MITF: variants seen among roughly 807,000 people sequenced by gnomAD.
The protein encoded by MITF is melanocyte inducing transcription factor.
MITF carries 17 observed loss-of-function variants against 60.5 expected under a neutral mutation model. The ratio of observed to expected loss-of-function variants is 0.28; its 90% CI spans 0.19 to 0.42. MITF has a LOEUF of 0.42. Ranked by LOEUF, MITF falls within the 10% of genes least tolerant of loss-of-function variation. The pLI is 1.00. For missense variants in MITF, 622 were observed against 683.5 expected, an observed-to-expected ratio of 0.91 and a Z score of 1.00; for synonymous variants, 260 against 248.5, an observed-to-expected ratio of 1.05 and a Z score of -0.43.
chr3:69,922,422 A>G (rs373495217), intron 2 of MITF, among the ~76,000 whole-genome samples: 1 of 152,070 alleles, frequency 6.6e-6, no homozygotes, highest in Non-Finnish European at 1.5e-5. Flanking sequence ...GGGTTTCACC[A>G]TGTTGGCCAG....
intron 1 of MITF, among the ~76,000 whole-genome samples, chr3:69,828,202 A>C (rs1260978434): frequency 8.5e-6 from 1 of 117,224 alleles, no homozygotes; most frequent in Middle Eastern, 4.9e-3. Flanking sequence ...ACTCACCCCA[A>C]CTTAAGGAGC....
intron 1 of MITF, among the ~76,000 whole-genome samples, chr3:69,779,758 G>T (rs1238808512): frequency 6.6e-6 from 1 of 152,148 alleles, no homozygotes; most frequent in Non-Finnish European, 1.5e-5. Context: ...ACACACAGTT[G>T]TGAGAAGTAC....
At chr3:69,772,662 G>A (rs1480708235) in intron 1 of MITF, among the ~76,000 whole-genome samples, 2 of 152,166 alleles carry the variant, frequency 1.3e-5, no homozygotes, top group Admixed American at 1.3e-4. Flanking sequence ...GTATCAGTGA[G>A]TGTCAGTTAA....
intron 1 of MITF, among the ~76,000 whole-genome samples, chr3:69,796,290 A>G (rs2062826413): frequency 6.6e-6 from 1 of 151,584 alleles, no homozygotes; most frequent in Non-Finnish European, 1.5e-5. Flanking sequence ...CTCTGTTGCT[A>G]TTTTTGAAGA....
rs573871451 is a variant in MITF at position 69,804,499 on chromosome 3, G to A, written c.104+64798G>A. 3.3e-5 allele frequency among the ~76,000 whole-genome samples: 5 copies of A among 152,020 alleles called. No homozygotes were observed. The South Asian group carries it at 1.0e-3, about 32-fold the overall frequency. Reference sequence around the variant, plus strand: ...CCTTTTCTCTCTATAATTCTTCCATGCCCAACATTTACTACATTTTTGTGA... The same window carrying A: ...CCTTTTCTCTCTATAATTCTTCCATACCCAACATTTACTACATTTTTGTGA... On this transcript the variant is annotated intron_variant, in intron 1 of 9. Coordinates refer to ENST00000352241, the MANE Select transcript of MITF (RefSeq NM_001354604.2).
chr3:69,864,258 C>G (rs1488255492), intron 1 of MITF, among the ~76,000 whole-genome samples: 1 of 152,122 alleles, frequency 6.6e-6, no homozygotes, highest in African/African-American at 2.4e-5. Context: ...AAATAAACGT[C>G]AGAATCTATG....
At chr3:69,909,820 T>G (rs1029605350) in intron 2 of MITF, among the ~76,000 whole-genome samples, 1 of 152,052 alleles carries the variant, frequency 6.6e-6, no homozygotes, top group Non-Finnish European at 1.5e-5. Flanking sequence ...AACCATTCCA[T>G]TTTAAAAGGA....
chr3:69,790,045 A>T (rs1302474645), intron 1 of MITF, among the ~76,000 whole-genome samples: 34 of 152,208 alleles, frequency 2.2e-4, no homozygotes, highest in Non-Finnish European at 1.5e-5. Flanking sequence ...AGGTGAATGG[A>T]TAAACAGAAT....
Position 69,967,366 on chromosome 3 carries a change from C to T in MITF, c.*2118C>T, listed in dbSNP as rs542931572. 1.3e-4 allele frequency: 31 copies of T among 233,104 alleles called. No individual in the cohort carries two copies. The South Asian group carries it at 5.4e-3, about 41-fold the overall frequency. 14.4% of individuals were successfully genotyped at this position (233,104 alleles called of 1,614,324 possible). On this transcript the variant is annotated 3_prime_UTR_variant, in exon 10 of 10. Transcript: ENST00000352241. Reference sequence around the variant, plus strand: ...GTACCATAGTGTTCATTGATACAATCATAGCATTGTCTATTTTTCTCTTCA... The same window carrying T: ...GTACCATAGTGTTCATTGATACAATTATAGCATTGTCTATTTTTCTCTTCA...
chr3:69,917,925 A>C (rs2065373561), intron 2 of MITF, among the ~76,000 whole-genome samples: 1 of 152,086 alleles, frequency 6.6e-6, no homozygotes, highest in African/African-American at 2.4e-5. Context: ...TTAAAATTCC[A>C]CTTTGATCAA....
intron 1 of MITF, among the ~76,000 whole-genome samples, chr3:69,813,950 T>C (rs1289355114): frequency 1.3e-5 from 2 of 152,130 alleles, no homozygotes; most frequent in Admixed American, 6.5e-5. Context: ...CTGGAAGATA[T>C]TAGATGCCTA....
At position 69,739,500 on chromosome 3, in the gene MITF, G is replaced by C. The variant is rs914383831; in HGVS notation, c.-98G>C. On this transcript the variant is annotated 5_prime_UTR_variant, in exon 1 of 10. Transcript: ENST00000352241. ...AGCGGGCAGAGCTCGGCACTGCGCC[G>C]GGGCGCACGGCTCGGGGGACCCAGG... 1 of 1,160,086 alleles carries C rather than the reference G, an allele frequency of 8.6e-7. No individual in the cohort carries two copies. The highest frequency in any genetic ancestry group is 1.5e-5 in the African/African-American group (1 of 65,218). 71.9% of individuals were successfully genotyped at this position (1,160,086 alleles called of 1,614,324 possible). A position where few individuals can be genotyped will look rare whatever the true frequency, so the allele number is the denominator to read the frequency against.
chr3:69,817,791 A>G (rs967595937), intron 1 of MITF, among the ~76,000 whole-genome samples: 2 of 152,164 alleles, frequency 1.3e-5, no homozygotes, highest in African/African-American at 2.4e-5. Flanking sequence ...AATAACAATA[A>G]TGTACAAGTT....
intron 1 of MITF, among the ~76,000 whole-genome samples, chr3:69,825,938 T>G (rs1238124451): frequency 6.6e-6 from 1 of 152,160 alleles, no homozygotes; most frequent in Non-Finnish European, 1.5e-5. Context: ...TTTACAAAAC[T>G]TGGAAAAATA....
chr3:69,768,686 A>G (rs1233606829), intron 1 of MITF, among the ~76,000 whole-genome samples: 2 of 152,224 alleles, frequency 1.3e-5, no homozygotes, highest in Non-Finnish European at 2.9e-5. Context: ...TAAGTGGCTT[A>G]TTTTAAAGTG....
chr3:69,770,776 C>T (rs1252337792), intron 1 of MITF, among the ~76,000 whole-genome samples: 1 of 152,012 alleles, frequency 6.6e-6, no homozygotes, highest in Non-Finnish European at 1.5e-5. Flanking sequence ...AAGCTAGGTC[C>T]CAGGATGGTT....
intron 1 of MITF, among the ~76,000 whole-genome samples, chr3:69,771,035 T>C (rs1283959029): frequency 6.6e-6 from 1 of 152,208 alleles, no homozygotes; most frequent in Non-Finnish European, 1.5e-5. Context: ...AGCAACCGCT[T>C]CTCTCATGTG....
intron 1 of MITF, among the ~76,000 whole-genome samples, chr3:69,863,012 T>C (rs1182569680): frequency 6.6e-6 from 1 of 151,892 alleles, no homozygotes. Context: ...GTGTGTGTGT[T>C]CATATGCATA....
Position 69,951,810 on chromosome 3 carries a change from A to G in MITF, c.881-2A>G. 6.2e-7 allele frequency: 1 copy of G among 1,612,934 alleles called. No individual in the cohort carries two copies. Among genetic ancestry groups the G allele is most frequent in the South Asian group, 1.1e-5 (1 of 91,040 alleles). On this transcript the variant is annotated splice_acceptor_variant, in intron 6 of 9. Coordinates refer to ENST00000352241, the MANE Select transcript of MITF (RefSeq NM_001354604.2). LOFTEE classifies it high-confidence loss of function. ...TTCTAATGACTTCATTCACGTGCAC[A>G]GCGTGTATTTTTCCCACAGAGTCTG...
Sources: allele counts gnomAD v4.1 joint callset (sites outside exome capture counted in the v4.1 genomes callset), GRCh38; gene constraint gnomAD v4.1.1; transcripts MANE v1.5; gene names NCBI Gene and HGNC (gene_info 2026-07-23, HGNC 2026-07-21).